Variants in ARID4B observed in about 807,000 individuals in gnomAD.
ARID4B encodes AT-rich interactive domain-containing protein 4B.
In ARID4B, 26 loss-of-function variants were observed where a neutral mutation model predicts 147.5. That is an observed-to-expected ratio of 0.18 (90% CI 0.13 to 0.24). ARID4B has a LOEUF of 0.24. Among genes scored for constraint, ARID4B ranks in the 10% least tolerant of loss-of-function variants. The pLI is 1.00. For synonymous variants in ARID4B, 512 were observed against 507.9 expected (o/e 1.01, Z -0.11); for missense variants, 1,179 against 1,511.5 (o/e 0.78, Z 3.65).
In ARID4B at chr1:235,211,246, G is replaced by A. The variant is rs376918980; in HGVS notation, c.1841+2523C>T. ...CTCAGGAGACTGAGGCAGGAGAAGC[G>A]CTTGAACCCGGGAGGCGGAGGCTGC... On this transcript the variant is annotated intron_variant, in intron 17 of 23. Transcript: ENST00000264183. Among the ~76,000 whole-genome samples, 41 of 152,258 alleles carry A rather than the reference G, an allele frequency of 2.7e-4. No individual in the cohort carries two copies. In the South Asian group the frequency reaches 5.4e-3, roughly 20 times the overall value.
intron 10 of ARID4B, 76 bp from the exon 11 acceptor site, chr1:235,229,461 A>G (rs1668062706): frequency 2.8e-6 from 3 of 1,057,548 alleles, no homozygotes; most frequent in Non-Finnish European, 4.2e-6. Context: ...AAACACGATA[A>G]AGAAATAAAA....
intron 2 of ARID4B, among the ~76,000 whole-genome samples, chr1:235,289,087 G>A (rs1310888635): frequency 2.0e-5 from 3 of 152,158 alleles, no homozygotes; most frequent in African/African-American, 7.2e-5. Context: ...AGCTATACTT[G>A]CACATGTGTG....
intron 8 of ARID4B, among the ~76,000 whole-genome samples, chr1:235,236,842 A>ATATGTG (rs1553299988): frequency 9.5e-5 from 3 of 31,726 alleles, no homozygotes; most frequent in Non-Finnish European, 1.9e-4. Context: ...AAATATATAT[A>ATATGTG]TATATATATA....
intron 17 of ARID4B, among the ~76,000 whole-genome samples, chr1:235,212,754 G>C (rs992639954): frequency 3.3e-5 from 5 of 152,188 alleles, no homozygotes; most frequent in Admixed American, 2.6e-4. Flanking sequence ...TTTCTTTAGA[G>C]AAAGGGCATT....
At chr1:235,298,845 A>G (rs1672934547) in intron 2 of ARID4B, among the ~76,000 whole-genome samples, 1 of 152,188 alleles carries the variant, frequency 6.6e-6, no homozygotes, top group African/African-American at 2.4e-5. Context: ...GAACCAAACC[A>G]TACTGTTAAT....
In ARID4B at chr1:235,309,378, G is replaced by A. The variant is rs1673851505; in HGVS notation, c.6+17536C>T. 2.6e-5 allele frequency among the ~76,000 whole-genome samples: 4 copies of A among 151,622 alleles called. 1 individual carries two copies. Among genetic ancestry groups the A allele is most frequent in the Admixed American group, 2.6e-4 (4 of 15,238 alleles). ...GCCCGGCAACCACCCCGTCTGGGAA[G>A]TGAGGAGCGTCTCTGCCCGGCAGCC... On this transcript the variant is annotated intron_variant, in intron 2 of 23. Coordinates refer to ENST00000264183, the MANE Select transcript of ARID4B (RefSeq NM_016374.6).
chr1:235,191,929 A>T (rs6667150), intron 19 of ARID4B, among the ~76,000 whole-genome samples: 64,749 of 151,816 alleles, frequency 0.43, 14,415 homozygotes, highest in South Asian at 0.6. Flanking sequence ...ACTACAAAAA[A>T]TAGCCTGGCA....
chr1:235,274,948 C>T (rs747862191), intron 2 of ARID4B, among the ~76,000 whole-genome samples: 13 of 152,046 alleles, frequency 8.6e-5, no homozygotes, highest in Non-Finnish European at 1.8e-4. Context: ...ATACTAAAAA[C>T]AGGCACAATG....
chr1:235,248,858 A>G (rs1339645579), intron 6 of ARID4B, among the ~76,000 whole-genome samples: 3 of 152,164 alleles, frequency 2.0e-5, no homozygotes, highest in Admixed American at 6.5e-5. Flanking sequence ...TCTTAGACCT[A>G]AAGAGCAAAA....
At chr1:235,290,950 T>A (rs1252386527) in intron 2 of ARID4B, among the ~76,000 whole-genome samples, 1 of 152,180 alleles carries the variant, frequency 6.6e-6, no homozygotes, top group African/African-American at 2.4e-5. Flanking sequence ...TTTGTTTTAA[T>A]TAGCTGGGCA....
chr1:235,208,493 TTATTATTA>T (rs1251909940), intron 17 of ARID4B, among the ~76,000 whole-genome samples: 2 of 151,474 alleles, frequency 1.3e-5, no homozygotes, highest in Non-Finnish European at 2.9e-5. Flanking sequence ...ATTAGTAATT[TTATTATTA>T]TTTTTTTTCT....
At chr1:235,276,031 AG>A (rs767999237) in intron 2 of ARID4B, among the ~76,000 whole-genome samples, 1 of 152,020 alleles carries the variant, frequency 6.6e-6, no homozygotes, top group Non-Finnish European at 1.5e-5. Context: ...CTAGCTAGTG[AG>A]GGGGCTGAGG....
chr1:235,252,679 C>A, intron 6 of ARID4B, 51 bp downstream of exon 6: 1 of 1,533,720 alleles, frequency 6.5e-7, no homozygotes, highest in Non-Finnish European at 8.9e-7. Context: ...AAAATTTATT[C>A]CTCCCAATAA....
At chr1:235,272,493 A>C (rs1331358722) in intron 2 of ARID4B, among the ~76,000 whole-genome samples, 1 of 152,164 alleles carries the variant, frequency 6.6e-6, no homozygotes, top group Non-Finnish European at 1.5e-5. Context: ...TTTATATTTC[A>C]AAAATACCTT....
intron 2 of ARID4B, among the ~76,000 whole-genome samples, chr1:235,278,383 T>C (rs1671472361): frequency 6.6e-6 from 1 of 152,120 alleles, no homozygotes; most frequent in Non-Finnish European, 1.5e-5. Context: ...TGATCCCCAC[T>C]GAGATCATGA....
intron 2 of ARID4B, among the ~76,000 whole-genome samples, chr1:235,290,434 A>C (rs1162579552): frequency 1.4e-5 from 1 of 72,336 alleles, no homozygotes; most frequent in Non-Finnish European, 3.7e-5. Flanking sequence ...TTCCATCACC[A>C]AAAAAAAAAA....
rs572886850 is a variant in ARID4B at position 235,244,514 on chromosome 1, T to G, written c.446+1906A>C. Among the ~76,000 whole-genome samples the G allele has an allele frequency of 8.5e-5, 13 of 152,156 alleles. No homozygotes were observed. The South Asian group carries it at 2.7e-3, about 32-fold the overall frequency. ...AATTTAGCTAGAGGATGATAATCATTAAAAAAAGAAAATACTTGAACTTAC... is the reference window on the plus strand; with the variant it reads ...AATTTAGCTAGAGGATGATAATCATGAAAAAAAGAAAATACTTGAACTTAC... On this transcript the variant is annotated intron_variant, in intron 7 of 23. Coordinates refer to ENST00000264183, the MANE Select transcript of ARID4B (RefSeq NM_016374.6).
chr1:235,264,397 G>C (rs1029100427), intron 2 of ARID4B, among the ~76,000 whole-genome samples: 2 of 152,172 alleles, frequency 1.3e-5, no homozygotes, highest in South Asian at 2.1e-4. Context: ...GGTCAGATTT[G>C]AGTATGTAAT....
In ARID4B at chr1:235,192,820, G is replaced by T. The variant is rs185140398; in HGVS notation, c.2125+1193C>A. ...ATAATCCCATCATAAAAGAGGTCAT[G>T]TCAGGCCAGGCGCGGTGGCTCACGC... is the stretch of plus-strand genomic sequence containing the variant. On this transcript the variant is annotated intron_variant, in intron 19 of 23. Transcript: ENST00000264183. Among the ~76,000 whole-genome samples the T allele has an allele frequency of 2.6e-3, 396 of 152,232 alleles. 3 individuals are homozygous for T. Among genetic ancestry groups the T allele is most frequent in the African/African-American group, 9.1e-3 (379 of 41,532 alleles).
Sources: allele counts gnomAD v4.1 joint callset (sites outside exome capture counted in the v4.1 genomes callset), GRCh38; gene constraint gnomAD v4.1.1; transcripts MANE v1.5; gene names NCBI Gene and HGNC (gene_info 2026-07-23, HGNC 2026-07-21).